LHX4: variants seen among roughly 807,000 people sequenced by gnomAD.
LHX4 encodes the protein LIM/homeobox protein Lhx4.
A neutral mutation model predicts 39.2 loss-of-function variants in LHX4; 16 were observed. That is an observed-to-expected ratio of 0.41 (90% CI 0.28 to 0.62). The LOEUF is 0.62. Among genes scored for constraint, LHX4 ranks in the 20% least tolerant of loss-of-function variants. The probability of loss-of-function intolerance (pLI) is 0.33; values close to 1 mark genes in which losing one functional copy is unlikely to be tolerated. For missense variants in LHX4, 439 were observed against 511.9 expected (o/e 0.86, Z 1.37); for synonymous variants, 206 against 198.1 (o/e 1.04, Z -0.33).
chr1:180,278,834 A>AAAAG lies in LHX4; in HGVS notation c.*4259_*4262dup, dbSNP rs2149272287. 1 of 149,868 alleles carries AAAAG rather than the reference A, an allele frequency of 6.7e-6. No homozygotes were observed. Among genetic ancestry groups the AAAAG allele is most frequent in the East Asian group, 1.9e-4 (1 of 5,178 alleles). 9.3% of individuals were successfully genotyped at this position (149,868 alleles called of 1,614,324 possible). ...TCGTTTCCTGGGGAAAAAAAAGAAA[A>AAAAG]AAAGAAAAAAAAAAGACCCACCCAT... On this transcript the variant is annotated 3_prime_UTR_variant, in exon 6 of 6. Coordinates refer to ENST00000263726, the MANE Select transcript of LHX4 (RefSeq NM_033343.4).
chr1:180,272,043 G>T (rs759478286), intron 5 of LHX4, 37 bp downstream of exon 5: 2 of 1,582,986 alleles, frequency 1.3e-6, no homozygotes, highest in Non-Finnish European at 1.7e-6. Flanking sequence ...GAGGCCTTAG[G>T]AAAGTCCCCT....
chr1:180,265,653 C>G (rs1481232274), intron 2 of LHX4, among the ~76,000 whole-genome samples: 1 of 152,180 alleles, frequency 6.6e-6, no homozygotes, highest in Admixed American at 6.5e-5. Context: ...GCAGCATTTT[C>G]CAAACTGTAA....
At position 180,271,444 on chromosome 1, in the gene LHX4, A is replaced by C; in HGVS notation, c.516A>C (p.Leu172Phe). The C allele has an allele frequency of 6.2e-7, 1 of 1,614,150 alleles. No individual in the cohort carries two copies. Among genetic ancestry groups the C allele is most frequent in the Non-Finnish European group, 8.5e-7 (1 of 1,180,012 alleles). ...TTITAKQLET[L>F]KNAYKNSPKP... is the part of the protein sequence containing the mutation. Reference sequence around the variant, plus strand: ...TCACAGCCAAGCAGCTGGAGACATTAAAGAATGCATACAAGAACTCCCCCA... The same window carrying C: ...TCACAGCCAAGCAGCTGGAGACATTCAAGAATGCATACAAGAACTCCCCCA... Residue 172 changes from leucine to phenylalanine, a missense_variant, in exon 4 of 6, where the codon TTA (leucine) becomes TTC (phenylalanine). Physicochemically the swap from Leu to Phe is conservative, Grantham distance 22. Coordinates refer to ENST00000263726, the MANE Select transcript of LHX4 (RefSeq NM_033343.4).
At chr1:180,229,885 C>T (rs929783214), upstream of LHX4, among the ~76,000 whole-genome samples, 12 of 150,398 alleles carry the variant, frequency 8.0e-5, no homozygotes, top group East Asian at 2.0e-3. Flanking sequence ...CCACCTGCTG[C>T]CGCGGCAGGC....
At position 180,263,506 on chromosome 1, in the gene LHX4, G is replaced by A. The variant is rs994612078; in HGVS notation, c.249-2886G>A. On this transcript the variant is annotated intron_variant, in intron 2 of 5. Transcript: ENST00000263726. The stretch of plus-strand genomic sequence containing the variant: ...TGTGGGCCAAGGAGGTGCTGCATGC[G>A]GCTCCCTCGGCAAGGGTCCCGCTGG... Among the ~76,000 whole-genome samples the A allele has an allele frequency of 9.2e-5, 14 of 152,062 alleles. No homozygotes were observed. In the East Asian group the frequency reaches 1.9e-3, roughly 21 times the overall value.
rs1558226682 is a variant in LHX4, at chr1:180,274,206, T to C, written c.800T>C (p.Leu267Pro). The change falls in exon 6 of 6, where the codon CTT (leucine) becomes CCT (proline). Residue 267 changes from leucine (L) to proline (P), a missense_variant. Coordinates refer to ENST00000263726, the MANE Select transcript of LHX4 (RefSeq NM_033343.4). ...ACAGAGGATCAAATTCTCTCAGAAC[T>C]TGGCCACACCAATAGGATTTATGGC... ...SFREDQILSELGHTNRIYGNV... is the reference protein window; with the variant it reads ...SFREDQILSEPGHTNRIYGNV... 3 of 1,614,222 alleles carry C rather than the reference T, an allele frequency of 1.9e-6. No homozygotes were observed. Among genetic ancestry groups the C allele is most frequent in the Middle Eastern group, 1.6e-4 (1 of 6,062 alleles).
intron 1 of LHX4, among the ~76,000 whole-genome samples, chr1:180,239,842 G>C (rs1353709762): frequency 6.6e-6 from 1 of 152,194 alleles, no homozygotes; most frequent in Non-Finnish European, 1.5e-5. Flanking sequence ...CTCAGAGACT[G>C]GGATCACAGC....
At chr1:180,274,109 G>A (rs1410697829) in intron 5 of LHX4, 76 bp from the exon 6 acceptor site, 4 of 1,573,414 alleles carry the variant, frequency 2.5e-6, no homozygotes, top group African/African-American at 2.7e-5. Context: ...GGTCATGTGT[G>A]TTCCTAGGTT....
chr1:180,240,441 C>T (rs922823950), intron 1 of LHX4, among the ~76,000 whole-genome samples: 3 of 152,154 alleles, frequency 2.0e-5, no homozygotes, highest in Non-Finnish European at 2.9e-5. Context: ...AGAAAGGTGC[C>T]TTTTCTTAAA....
At chr1:180,263,615 T>G (rs7520941) in intron 2 of LHX4, among the ~76,000 whole-genome samples, 26,764 of 152,240 alleles carry the variant, frequency 0.18, 2,492 homozygotes, top group African/African-American at 0.22. Context: ...TTGCTTCAAT[T>G]GCTAAAAAAC....
In LHX4 at chr1:180,248,287, A is replaced by G; in HGVS notation, c.79A>G (p.Ile27Val). Residue 27 changes from isoleucine (I) to valine (V), a missense_variant and splice_region_variant, in exon 2 of 6, where the codon ATT becomes GTT. Ile to Val is a conservative substitution (Grantham distance 29, BLOSUM62 3). Coordinates refer to ENST00000263726, the MANE Select transcript of LHX4 (RefSeq NM_033343.4). The part of the protein sequence containing the change: ...PEMLGVPMQQ[I>V]PQCAGCNQHI... ...CCTCTCTCTCCTCTTCCTCACAGAG[A>G]TTCCCCAGTGCGCTGGCTGCAACCA... 6.2e-7 allele frequency: 1 copy of G among 1,614,028 alleles called. No individual in the cohort carries two copies. The highest frequency in any genetic ancestry group is 8.5e-7 in the Non-Finnish European group (1 of 1,179,986).
chr1:180,257,159 G>C (rs1018363511), intron 2 of LHX4, among the ~76,000 whole-genome samples: 4 of 152,140 alleles, frequency 2.6e-5, no homozygotes, highest in African/African-American at 9.7e-5. Context: ...TTGGGCTCTC[G>C]TCCACTTCCT....
At chr1:180,261,661 A>G (rs1052496807) in intron 2 of LHX4, among the ~76,000 whole-genome samples, 5 of 152,288 alleles carry the variant, frequency 3.3e-5, no homozygotes, top group African/African-American at 7.2e-5. Context: ...AAAAGAGCTT[A>G]AAACTGCTTC....
chr1:180,248,584 C>A, intron 2 of LHX4, 128 bp downstream of exon 2: 1 of 997,732 alleles, frequency 1.0e-6, no homozygotes, highest in Non-Finnish European at 1.5e-6. Flanking sequence ...CAGGTAAATC[C>A]TGGAGCTGAG....
Position 180,234,212 on chromosome 1 carries a change from TATATATATA to T in LHX4, c.76+3611_76+3619del, listed in dbSNP as rs1558207254. ...ATATATATATATATATATATATATA[TATATATATA>T]ATAGATTGAGATTCTATCATATTCC... On this transcript the variant is annotated intron_variant, in intron 1 of 5. Transcript: ENST00000263726. The surrounding 1 kb of genome is among the most constrained non-coding windows in gnomAD (Gnocchi z 4.8). Among the ~76,000 whole-genome samples, 4 of 74,228 alleles carry T rather than the reference TATATATATA, an allele frequency of 5.4e-5. No homozygotes were observed. The highest frequency in any genetic ancestry group is 2.7e-4 in the African/African-American group (4 of 14,632). The allele number at this position is 74,228 out of a possible 152,430, so 48.7% of individuals were successfully genotyped here. A position where few individuals can be genotyped will look rare whatever the true frequency, so the allele number is the denominator to read the frequency against.
At chr1:180,251,755 C>G (rs762033333) in intron 2 of LHX4, among the ~76,000 whole-genome samples, 1 of 152,348 alleles carries the variant, frequency 6.6e-6, no homozygotes, top group Non-Finnish European at 1.5e-5. Context: ...TTCCCTTGTT[C>G]CCGGCACTGC....
At position 180,278,067 on chromosome 1, in the gene LHX4, G is replaced by A. The variant is rs1649145357; in HGVS notation, c.*3488G>A. 6.6e-6 allele frequency: 1 copy of A among 152,152 alleles called. No homozygotes were observed. The highest frequency in any genetic ancestry group is 1.5e-5 in the Non-Finnish European group (1 of 68,042). 9.4% of individuals were successfully genotyped at this position (152,152 alleles called of 1,614,324 possible). A position where few individuals can be genotyped will look rare whatever the true frequency, so the allele number is the denominator to read the frequency against. ...GGCTCAAGGCTTCTGATGAGCAAAG[G>A]CTGTGTGTTGTATGACAGTCCACTC... is the stretch of plus-strand genomic sequence containing the variant. On this transcript the variant is annotated 3_prime_UTR_variant, in exon 6 of 6. Coordinates refer to ENST00000263726, the MANE Select transcript of LHX4 (RefSeq NM_033343.4).
chr1:180,248,140 C>T, intron 1 of LHX4, 145 bp from the exon 2 acceptor site: 1 of 767,430 alleles, frequency 1.3e-6, no homozygotes, highest in Non-Finnish European at 2.3e-6. Context: ...AATGTATAAC[C>T]TGTACAACTA....
At chr1:180,247,156 T>C (rs549538414) in intron 1 of LHX4, among the ~76,000 whole-genome samples, 36 of 152,342 alleles carry the variant, frequency 2.4e-4, no homozygotes, top group Admixed American at 1.1e-3. Context: ...GACCATTTTG[T>C]AGATGTTGAA....
Sources: gnomAD v4.1 joint callset for allele counts (sites outside exome capture counted in the v4.1 genomes callset) on GRCh38, gnomAD v4.1.1 for gene constraint, Gnocchi (gnomAD v3.1) non-coding constraint, MANE v1.5 for transcripts, NCBI Gene and HGNC (gene_info 2026-07-23, HGNC 2026-07-21) for gene names.